The following C14orf132 variants were observed in gnomAD, a reference collection of about 807,000 sequenced individuals.
C14orf132 encodes the protein uncharacterized protein C14orf132.
A neutral mutation model predicts 5.8 loss-of-function variants in C14orf132; 6 were observed. The ratio of observed to expected loss-of-function variants is 1.03; its 90% CI spans 0.57 to 2.04. C14orf132 has a LOEUF of 2.04. Ranked by LOEUF, C14orf132 falls within the 30% of genes most tolerant of loss-of-function variation. The pLI, the probability that C14orf132 is intolerant of heterozygous loss-of-function variation, is 0.00. For missense variants in C14orf132, 125 were observed against 115.8 expected, an observed-to-expected ratio of 1.08 and a Z score of -0.37; for synonymous variants, 51 against 49.8, an observed-to-expected ratio of 1.02 and a Z score of -0.10.
At chr14:96,081,555 C>T (rs373416813) in intron 1 of C14orf132, among the ~76,000 whole-genome samples, 78 of 152,314 alleles carry the variant, frequency 5.1e-4, no homozygotes, top group African/African-American at 1.6e-3. Context: ...TTCGGAAAAG[C>T]GTAGGCAGAA....
chr14:96,090,149 C>A lies in C14orf132; in HGVS notation c.*3414C>A. ...GGTGCAGTGACTCACACCCGTAATC[C>A]CGGCACTTTGGGAGGCCGAGGCGGG... On this transcript the variant is annotated 3_prime_UTR_variant, in exon 2 of 2. Coordinates refer to ENST00000555004, the MANE Select transcript of C14orf132 (RefSeq NM_001252507.3). 6.2e-6 allele frequency: 1 copy of A among 160,130 alleles called. No homozygotes were observed. The highest frequency in any genetic ancestry group is 6.2e-5 in the Admixed American group (1 of 16,098). The allele number at this position is 160,130 out of a possible 1,614,324, so 9.9% of individuals were successfully genotyped here.
Position 96,039,489 on chromosome 14 carries a change from T to C in C14orf132, c.-12T>C. ...CAGCAGCGAGGACTCGAGCGCTGGC[T>C]GCAGCGACACCATGGATCTCTCCTT... On this transcript the variant is annotated 5_prime_UTR_variant, in exon 1 of 2. Coordinates refer to ENST00000555004, the MANE Select transcript of C14orf132 (RefSeq NM_001252507.3). The surrounding 1 kb of genome is among the most constrained non-coding windows in gnomAD (Gnocchi z 5.3). 1 of 1,498,634 alleles carries C rather than the reference T, an allele frequency of 6.7e-7. No individual in the cohort carries two copies. Among genetic ancestry groups the C allele is most frequent in the Non-Finnish European group, 8.9e-7 (1 of 1,127,040 alleles). 92.8% of individuals were successfully genotyped at this position (1,498,634 alleles called of 1,614,324 possible).
At chr14:96,059,678 C>T (rs1030655189) in intron 1 of C14orf132, among the ~76,000 whole-genome samples, 15 of 152,220 alleles carry the variant, frequency 9.9e-5, no homozygotes, top group African/African-American at 3.6e-4. Context: ...GACCCAGTAA[C>T]ATCCATCCAA....
chr14:96,049,762 A>ATT (rs775639023), intron 1 of C14orf132, among the ~76,000 whole-genome samples: 1 of 122,636 alleles, frequency 8.2e-6, no homozygotes. Context: ...TAGTCTCTTC[A>ATT]TTTTTTTTTT....
intron 1 of C14orf132, among the ~76,000 whole-genome samples, chr14:96,057,160 G>T (rs79051343): frequency 0.017 from 2,632 of 152,278 alleles, 72 homozygotes; most frequent in African/African-American, 0.06. Flanking sequence ...GAAACAAATG[G>T]GCTTTTAGGA....
At chr14:96,064,882 G>A (rs1383351121) in intron 1 of C14orf132, among the ~76,000 whole-genome samples, 1 of 152,086 alleles carries the variant, frequency 6.6e-6, no homozygotes, top group Non-Finnish European at 1.5e-5. Flanking sequence ...TTGCTCTCCT[G>A]GCATTTTGCA....
chr14:96,039,627 C>T lies in C14orf132; in HGVS notation c.27+100C>T. On this transcript the variant is annotated intron_variant, in intron 1 of 1. Transcript: ENST00000555004. This position sits in a 1 kb window ranked among gnomAD's most constrained non-coding sequence, Gnocchi z 5.3. ...CGCTGGGGCTGGGCAGTGGCGCCCGCCCGCGATCCGCGTCCCGGTCCTTTG... is the reference window on the plus strand; with the variant it reads ...CGCTGGGGCTGGGCAGTGGCGCCCGTCCGCGATCCGCGTCCCGGTCCTTTG... 2.5e-6 allele frequency: 3 copies of T among 1,211,440 alleles called. No homozygotes were observed. Among genetic ancestry groups the T allele is most frequent in the East Asian group, 6.3e-5 (2 of 31,646 alleles). The allele number at this position is 1,211,440 out of a possible 1,614,324, so 75.0% of individuals were successfully genotyped here. A position where few individuals can be genotyped will look rare whatever the true frequency, so the allele number is the denominator to read the frequency against.
intron 1 of C14orf132, chr14:96,040,420 T>C: frequency 2.5e-6 from 1 of 394,872 alleles, no homozygotes; most frequent in East Asian, 3.6e-5. Context: ...GTTGTGTTGG[T>C]TGGTTATGGT....
At chr14:96,043,496 T>C (rs1886749522) in intron 1 of C14orf132, among the ~76,000 whole-genome samples, 1 of 152,090 alleles carries the variant, frequency 6.6e-6, no homozygotes, top group African/African-American at 2.4e-5. Flanking sequence ...GTCCCTGCAG[T>C]GAGTGGTTTC....
Position 96,056,603 on chromosome 14 carries a change from C to T in C14orf132, c.27+17076C>T, listed in dbSNP as rs190498977. Among the ~76,000 whole-genome samples the T allele has an allele frequency of 3.0e-4, 45 of 152,144 alleles. 1 individual carries two copies. Among genetic ancestry groups the T allele is most frequent in the African/African-American group, 9.6e-4 (40 of 41,516 alleles). On this transcript the variant is annotated intron_variant, in intron 1 of 1. Transcript: ENST00000555004. ...GTGGGGATAATGACCTCTCCTGGCT[C>T]GTGGAGGTGTAAGGATTAGGTAAGG...
intron 1 of C14orf132, among the ~76,000 whole-genome samples, chr14:96,085,122 T>A (rs747648151): frequency 2.0e-5 from 3 of 152,192 alleles, no homozygotes; most frequent in Non-Finnish European, 4.4e-5. Context: ...GACCTCTGCT[T>A]ATCCACCTGT....
chr14:96,057,147 C>G (rs942615818), intron 1 of C14orf132, among the ~76,000 whole-genome samples: 1 of 152,242 alleles, frequency 6.6e-6, no homozygotes, highest in Non-Finnish European at 1.5e-5. Context: ...TTATCCCAGT[C>G]AGGAAACAAA....
chr14:96,073,924 A>C (rs894490553), intron 1 of C14orf132, among the ~76,000 whole-genome samples: 1 of 152,234 alleles, frequency 6.6e-6, no homozygotes, highest in East Asian at 1.9e-4. Context: ...ATCCTCAGCA[A>C]ACTAACACAG....
intron 1 of C14orf132, among the ~76,000 whole-genome samples, chr14:96,063,498 G>A (rs528422942): frequency 1.3e-5 from 2 of 152,030 alleles, no homozygotes; most frequent in African/African-American, 4.8e-5. Context: ...TAGTAGAGAC[G>A]GGGTTTCACC....
chr14:96,069,301 A>G (rs1277539245), intron 1 of C14orf132, among the ~76,000 whole-genome samples: 12 of 110,618 alleles, frequency 1.1e-4, no homozygotes, highest in Admixed American at 5.9e-4. Flanking sequence ...ATATATATAT[A>G]TATATGTTAT....
At chr14:96,047,804 C>T (rs1886872761) in intron 1 of C14orf132, among the ~76,000 whole-genome samples, 1 of 152,162 alleles carries the variant, frequency 6.6e-6, no homozygotes, top group Non-Finnish European at 1.5e-5. Context: ...GCCCCTCTGC[C>T]CCTGTTCATG....
chr14:96,051,948 A>T (rs1272829715), intron 1 of C14orf132, among the ~76,000 whole-genome samples: 1 of 152,254 alleles, frequency 6.6e-6, no homozygotes, highest in East Asian at 1.9e-4. Flanking sequence ...CCTCTGGTGG[A>T]AGAAGAGGAT....
chr14:96,074,274 CAGAT>C (rs1887794666), intron 1 of C14orf132, among the ~76,000 whole-genome samples: 1 of 152,140 alleles, frequency 6.6e-6, no homozygotes, highest in African/African-American at 2.4e-5. Flanking sequence ...AGTTCTTTGT[CAGAT>C]AGATGATTTG....
At chr14:96,061,012 A>G (rs1887338060) in intron 1 of C14orf132, among the ~76,000 whole-genome samples, 1 of 152,238 alleles carries the variant, frequency 6.6e-6, no homozygotes, top group South Asian at 2.1e-4. Flanking sequence ...ATCTTTAAAT[A>G]GTAAAAACAA....
Sources: allele counts gnomAD v4.1 joint callset (sites outside exome capture counted in the v4.1 genomes callset), GRCh38; gene constraint gnomAD v4.1.1; non-coding constraint Gnocchi (gnomAD v3.1); transcripts MANE v1.5; gene names NCBI Gene and HGNC (gene_info 2026-07-23, HGNC 2026-07-21).